Variants in ARL15 observed in about 807,000 individuals in gnomAD.
ARL15 encodes the protein ARF like GTPase 15, also known as ADP-ribosylation factor-like protein 15.
Under a neutral mutation model 25.2 loss-of-function variants are expected in ARL15, and 19 were observed. That is an observed-to-expected ratio of 0.75 (90% CI 0.53 to 1.10). The LOEUF is 1.10. Ranked by LOEUF, ARL15 falls within the 50% of genes least tolerant of loss-of-function variation. The probability of loss-of-function intolerance (pLI) is 0.00; values close to 1 mark genes in which losing one functional copy is unlikely to be tolerated. For missense variants in ARL15, 220 were observed against 246.0 expected, an observed-to-expected ratio of 0.89 and a Z score of 0.71; for synonymous variants, 94 against 86.8, an observed-to-expected ratio of 1.08 and a Z score of -0.46.
intron 4 of ARL15, among the ~76,000 whole-genome samples, chr5:53,909,321 ATT>A (rs1745376792): frequency 1.3e-5 from 2 of 152,376 alleles, no homozygotes; most frequent in East Asian, 3.9e-4. Context: ...GGAAAAGATT[ATT>A]AACTTTTATA....
chr5:54,219,307 T>C (rs900227549), intron 1 of ARL15, among the ~76,000 whole-genome samples: 5 of 152,192 alleles, frequency 3.3e-5, no homozygotes, highest in African/African-American at 1.2e-4. Context: ...AGTTAAGTCA[T>C]GTCTGCTTGC....
chr5:54,199,588 A>T (rs1476247495), intron 1 of ARL15, among the ~76,000 whole-genome samples: 6 of 151,636 alleles, frequency 4.0e-5, no homozygotes, highest in South Asian at 2.1e-4. Flanking sequence ...TCAAAACCAC[A>T]ATGAGATATC....
At chr5:54,172,032 A>G in intron 1 of ARL15, 104 bp from the exon 2 acceptor site, 1 of 1,339,350 alleles carries the variant, frequency 7.5e-7, no homozygotes, top group Non-Finnish European at 1.0e-6. Flanking sequence ...TAATTGAATA[A>G]AGTATTACCT....
At chr5:54,078,516 A>G (rs921995957) in intron 4 of ARL15, among the ~76,000 whole-genome samples, 2 of 152,364 alleles carry the variant, frequency 1.3e-5, no homozygotes, top group South Asian at 4.1e-4. Context: ...ATGAGAAGGC[A>G]TACTAGTACT....
chr5:54,089,511 G>C (rs1752069680), intron 4 of ARL15, among the ~76,000 whole-genome samples: 1 of 151,922 alleles, frequency 6.6e-6, no homozygotes, highest in African/African-American at 2.4e-5. Context: ...AATAGAAAAG[G>C]ATATCTTTTA....
At chr5:53,977,319 C>T (rs934824057) in intron 4 of ARL15, among the ~76,000 whole-genome samples, 5 of 143,588 alleles carry the variant, frequency 3.5e-5, no homozygotes, top group African/African-American at 1.3e-4. Flanking sequence ...CGCGCCACTG[C>T]ACTCCAGCCT....
chr5:53,932,650 A>G (rs1174593512), intron 4 of ARL15, among the ~76,000 whole-genome samples: 27 of 152,192 alleles, frequency 1.8e-4, no homozygotes, highest in Admixed American at 1.8e-3. Flanking sequence ...TGGAAACAGA[A>G]AGCAGGATAA....
chr5:53,984,013 G>C (rs967100400), intron 4 of ARL15, among the ~76,000 whole-genome samples: 1 of 152,152 alleles, frequency 6.6e-6, no homozygotes, highest in Non-Finnish European at 1.5e-5. Context: ...GTCCACCCGG[G>C]CTATGTGCAC....
At chr5:54,198,049 T>A (rs4455514) in intron 1 of ARL15, among the ~76,000 whole-genome samples, 29,511 of 151,900 alleles carry the variant, frequency 0.19, 3,143 homozygotes, top group Middle Eastern at 0.28. Context: ...AAAAACCACA[T>A]GATTATCTCA....
chr5:54,069,657 A>C (rs56971378), intron 4 of ARL15, among the ~76,000 whole-genome samples: 4,212 of 142,650 alleles, frequency 0.03, 202 homozygotes, highest in African/African-American at 0.1. Flanking sequence ...TTTATTTTTT[A>C]TTTTTTCTGA....
At chr5:54,145,157 AC>A (rs1753869899) in intron 3 of ARL15, among the ~76,000 whole-genome samples, 1 of 152,192 alleles carries the variant, frequency 6.6e-6, no homozygotes, top group South Asian at 2.1e-4. Context: ...ATTTAAAAAA[AC>A]AACTTCCAAT....
intron 4 of ARL15, among the ~76,000 whole-genome samples, chr5:54,037,119 AC>A (rs1750191907): frequency 1.3e-5 from 2 of 152,028 alleles, no homozygotes; most frequent in Admixed American, 1.3e-4. Context: ...ATGACATTGA[AC>A]CTACTAAGCC....
intron 4 of ARL15, among the ~76,000 whole-genome samples, chr5:53,994,334 G>A (rs1748600596): frequency 2.0e-5 from 3 of 152,172 alleles, no homozygotes; most frequent in Admixed American, 1.3e-4. Flanking sequence ...TCATATTTAG[G>A]AGTAAGTGAT....
At chr5:53,891,703 T>G (rs1316494097) in intron 4 of ARL15, among the ~76,000 whole-genome samples, 1 of 151,776 alleles carries the variant, frequency 6.6e-6, no homozygotes, top group Non-Finnish European at 1.5e-5. Context: ...TGTGAAAAAC[T>G]AGTGGATTAT....
At chr5:54,277,142 AATTTTAATAAT>A (rs901468418) in intron 1 of ARL15, among the ~76,000 whole-genome samples, 26 of 152,276 alleles carry the variant, frequency 1.7e-4, no homozygotes, top group African/African-American at 6.0e-4. Flanking sequence ...GAAAATAAGC[AATTTTAATAAT>A]ATATAATCTT....
chr5:54,072,083 ACT>A (rs1435739762), intron 4 of ARL15, among the ~76,000 whole-genome samples: 1 of 151,888 alleles, frequency 6.6e-6, no homozygotes, highest in Admixed American at 6.6e-5. Context: ...CCACTGTATC[ACT>A]CTTATTGTTT....
chr5:54,068,866 T>G (rs1751327573), intron 4 of ARL15, among the ~76,000 whole-genome samples: 1 of 152,210 alleles, frequency 6.6e-6, no homozygotes, highest in South Asian at 2.1e-4. Flanking sequence ...ACTGCTTGAC[T>G]TCTTAGCTCA....
rs563978139 is a variant in ARL15, at chr5:54,224,045, T to G, written c.49-52117A>C. On this transcript the variant is annotated intron_variant, in intron 1 of 4. Transcript: ENST00000504924. ...AGACATGCCAGAGCTTACATCATAT[T>G]AGGATGTTGTGTGCTTGTGGCCATA... Among the ~76,000 whole-genome samples, 3 of 152,244 alleles carry G rather than the reference T, an allele frequency of 2.0e-5. No individual in the cohort carries two copies. In the South Asian group the frequency reaches 6.2e-4, roughly 32 times the overall value.
chr5:53,999,491 G>A (rs1561182888), intron 4 of ARL15, among the ~76,000 whole-genome samples: 1 of 152,216 alleles, frequency 6.6e-6, no homozygotes, highest in Non-Finnish European at 1.5e-5. Context: ...TTGGGAGGCT[G>A]AGGCACGGAG....
Sources: gnomAD v4.1 joint callset for allele counts (sites outside exome capture counted in the v4.1 genomes callset) on GRCh38, gnomAD v4.1.1 for gene constraint, MANE v1.5 for transcripts, NCBI Gene and HGNC (gene_info 2026-07-23, HGNC 2026-07-21) for gene names.